Variants in MCC observed in about 807,000 individuals in gnomAD.
MCC encodes colorectal mutant cancer protein.
In MCC, 90 loss-of-function variants were observed where a neutral mutation model predicts 116.2. That is an observed-to-expected ratio of 0.77 (90% CI 0.65 to 0.92). The LOEUF is 0.92. Among genes scored for constraint, MCC ranks in the 40% least tolerant of loss-of-function variants. MCC has a pLI of 0.00. For missense variants in MCC, 1,516 were observed against 1,312.2 expected, an observed-to-expected ratio of 1.16 and a Z score of -2.40; for synonymous variants, 578 against 510.5, an observed-to-expected ratio of 1.13 and a Z score of -1.78.
intron 2 of MCC, among the ~76,000 whole-genome samples, chr5:113,368,283 T>C (rs1422822860): frequency 6.6e-6 from 1 of 152,224 alleles, no homozygotes. Flanking sequence ...TTGTCCCTAG[T>C]GTTATAAAAT....
chr5:113,319,606 C>G (rs2068922), intron 3 of MCC, among the ~76,000 whole-genome samples: 13,578 of 152,122 alleles, frequency 0.089, 1,428 homozygotes, highest in African/African-American at 0.26. Flanking sequence ...AACCAAAATT[C>G]AACTTGAAGG....
chr5:113,051,857 C>A (rs1752509335), intron 15 of MCC, among the ~76,000 whole-genome samples: 1 of 152,100 alleles, frequency 6.6e-6, no homozygotes, highest in Non-Finnish European at 1.5e-5. Flanking sequence ...ATCCTAGAAA[C>A]TGGTGAAAAT....
intron 15 of MCC, among the ~76,000 whole-genome samples, chr5:113,052,559 G>C (rs1337740567): frequency 6.6e-6 from 1 of 152,164 alleles, no homozygotes; most frequent in Non-Finnish European, 1.5e-5. Context: ...AGCTCCCAAG[G>C]ACAGGGCTGT....
chr5:113,203,552 C>T lies in MCC; in HGVS notation c.628-52130G>A, dbSNP rs146055888. 1.7e-3 allele frequency among the ~76,000 whole-genome samples: 263 copies of T among 152,132 alleles called. 1 individual carries two copies. The highest frequency in any genetic ancestry group is 5.9e-3 in the African/African-American group (246 of 41,496). On this transcript the variant is annotated intron_variant, in intron 3 of 18. Transcript: ENST00000408903. ...GGGGGGCCACCGAATACTCCCCGAG[C>T]GCATACTATTTACAGAAGAGTCAAG...
At chr5:113,028,295 G>T (rs1245808474) in intron 18 of MCC, among the ~76,000 whole-genome samples, 2 of 152,132 alleles carry the variant, frequency 1.3e-5, no homozygotes, top group Non-Finnish European at 2.9e-5. Context: ...CTTCTATTAA[G>T]CCAGACATTA....
intron 1 of MCC, among the ~76,000 whole-genome samples, chr5:113,476,423 T>C (rs570885121): frequency 6.6e-6 from 1 of 152,180 alleles, no homozygotes; most frequent in Admixed American, 6.6e-5. Flanking sequence ...TTGACAAGGG[T>C]GTCAAGAAAA....
intron 3 of MCC, among the ~76,000 whole-genome samples, chr5:113,326,410 C>T (rs906027590): frequency 3.3e-5 from 5 of 152,134 alleles, no homozygotes; most frequent in Non-Finnish European, 5.9e-5. Flanking sequence ...GATCAAGGTG[C>T]CAAGATCTTC....
chr5:113,209,598 T>C (rs1049522067), intron 3 of MCC, among the ~76,000 whole-genome samples: 3 of 152,170 alleles, frequency 2.0e-5, no homozygotes. Flanking sequence ...TCTGGGAAAA[T>C]ATTTTATATC....
rs931565491 is a variant in MCC at position 113,221,972 on chromosome 5, G to A, written c.628-70550C>T. ...TCTAGGCAGCAGGCAAAGTAAGCCC[G>A]TTGGGTGGTTACATTAGGAAGGGGG... is the stretch of plus-strand genomic sequence containing the variant. On this transcript the variant is annotated intron_variant, in intron 3 of 18. Coordinates refer to ENST00000408903, the MANE Select transcript of MCC (RefSeq NM_001085377.2). Among the ~76,000 whole-genome samples, 17 of 152,170 alleles carry A rather than the reference G, an allele frequency of 1.1e-4. 1 individual carries two copies. Among genetic ancestry groups the A allele is most frequent in the African/African-American group, 1.4e-4 (6 of 41,444 alleles).
chr5:113,099,994 T>G (rs1756295261), intron 8 of MCC, among the ~76,000 whole-genome samples: 1 of 152,200 alleles, frequency 6.6e-6, no homozygotes, highest in East Asian at 1.9e-4. Flanking sequence ...TGGCGTGGGC[T>G]TTAGTGCTAA....
At chr5:113,307,098 C>T (rs1426446478) in intron 3 of MCC, among the ~76,000 whole-genome samples, 2 of 152,164 alleles carry the variant, frequency 1.3e-5, no homozygotes, top group Non-Finnish European at 2.9e-5. Context: ...GTTGAGTCCT[C>T]CAACTTTGTT....
chr5:113,109,299 G>A (rs974151118), intron 6 of MCC, among the ~76,000 whole-genome samples: 4 of 152,128 alleles, frequency 2.6e-5, no homozygotes, highest in Non-Finnish European at 5.9e-5. Context: ...ACAAAATGTG[G>A]TCTCTGAATA....
At chr5:113,351,119 C>G (rs1374685063) in intron 2 of MCC, among the ~76,000 whole-genome samples, 1 of 152,002 alleles carries the variant, frequency 6.6e-6, no homozygotes, top group Non-Finnish European at 1.5e-5. Context: ...CTATGGAGAA[C>G]CATTTGGAGG....
intron 3 of MCC, among the ~76,000 whole-genome samples, chr5:113,165,980 A>AGGGGGGGGGGGGGG (rs1760747555): frequency 6.7e-6 from 1 of 149,794 alleles, no homozygotes; most frequent in African/African-American, 2.5e-5. Flanking sequence ...GGGAGGGGGC[A>AGGGGGGGGGGGGGG]GGGAATGAAG....
chr5:113,280,952 G>A (rs2150357110), intron 3 of MCC, among the ~76,000 whole-genome samples: 2 of 152,258 alleles, frequency 1.3e-5, no homozygotes, highest in Middle Eastern at 3.4e-3. Context: ...CTTAGGTTTA[G>A]GGCTTCTTCA....
At position 113,296,387 on chromosome 5, in the gene MCC, G is replaced by A. The variant is rs747093200; in HGVS notation, c.627+44132C>T. On this transcript the variant is annotated intron_variant, in intron 3 of 18. Coordinates refer to ENST00000408903, the MANE Select transcript of MCC (RefSeq NM_001085377.2). ...CATAAACACAGTACAAATGAGGAGC[G>A]ACTGCAGTTCAGAGGAGGGAAATAC... Among the ~76,000 whole-genome samples, 21 of 152,284 alleles carry A rather than the reference G, an allele frequency of 1.4e-4. 1 individual carries two copies. Among genetic ancestry groups the A allele is most frequent in the Admixed American group, 9.2e-4 (14 of 15,298 alleles).
chr5:113,219,791 G>T (rs1763469855), intron 3 of MCC, among the ~76,000 whole-genome samples: 1 of 152,076 alleles, frequency 6.6e-6, no homozygotes. Context: ...GCTATAAAGA[G>T]AATATTGATT....
chr5:113,292,706 C>T lies in MCC; in HGVS notation c.627+47813G>A, dbSNP rs544263379. Among the ~76,000 whole-genome samples the T allele has an allele frequency of 3.3e-5, 5 of 152,198 alleles. No homozygotes were observed. In the South Asian group the frequency reaches 1.0e-3, roughly 32 times the overall value. On this transcript the variant is annotated intron_variant, in intron 3 of 18. Transcript: ENST00000408903. ...TCCTTCACTCAGGGTTCTAGCCCCC[C>T]CTTCTCCTAAGTCTGCGATTCATTT...
chr5:113,306,501 TG>T (rs1486306271), intron 3 of MCC, among the ~76,000 whole-genome samples: 1 of 152,234 alleles, frequency 6.6e-6, no homozygotes, highest in East Asian at 1.9e-4. Flanking sequence ...TTCATGTGTT[TG>T]TAGGCCATTT....
Sources: allele counts gnomAD v4.1 joint callset (sites outside exome capture counted in the v4.1 genomes callset), GRCh38; gene constraint gnomAD v4.1.1; transcripts MANE v1.5; gene names NCBI Gene and HGNC (gene_info 2026-07-23, HGNC 2026-07-21).